IL1RAPL2: variants seen among roughly 807,000 people sequenced by gnomAD.
IL1RAPL2 encodes X-linked interleukin-1 receptor accessory protein-like 2.
A neutral mutation model predicts 44.1 loss-of-function variants in IL1RAPL2; 3 were observed. The observed-to-expected ratio is 0.07, with a 90% CI of 0.03 to 0.18. IL1RAPL2 has a LOEUF of 0.18. IL1RAPL2 is among the 10% of genes least tolerant of loss of function. IL1RAPL2 has a pLI of 1.00. For synonymous variants in IL1RAPL2, 181 were observed against 178.8 expected, an observed-to-expected ratio of 1.01 and a Z score of -0.10; for missense variants, 391 against 496.4, an observed-to-expected ratio of 0.79 and a Z score of 2.02.
chrX:104,996,848 A>G (rs752637785), intron 2 of IL1RAPL2, among the ~76,000 whole-genome samples: 1 of 111,533 alleles, frequency 9.0e-6, no homozygotes, highest in Non-Finnish European at 1.9e-5. Flanking sequence ...TTAATTAGGT[A>G]GGAGGTGACA....
At chrX:105,044,584 A>G (rs1490330538) in intron 2 of IL1RAPL2, among the ~76,000 whole-genome samples, 1 of 111,649 alleles carries the variant, frequency 9.0e-6, no homozygotes, top group Non-Finnish European at 1.9e-5. Flanking sequence ...CATTTCCACC[A>G]TAGAACCCCA....
chrX:104,892,867 T>C (rs1923506367), intron 2 of IL1RAPL2, among the ~76,000 whole-genome samples: 1 of 112,026 alleles, frequency 8.9e-6, no homozygotes, highest in Non-Finnish European at 1.9e-5. Flanking sequence ...CTTCTCTAGT[T>C]CTCTTAATTG....
intron 1 of IL1RAPL2, among the ~76,000 whole-genome samples, chrX:104,655,493 G>A (rs972188766): frequency 1.2e-4 from 13 of 111,818 alleles, no homozygotes; most frequent in African/African-American, 3.9e-4. Context: ...TGCATATTTT[G>A]AACCAGCCTT....
intron 2 of IL1RAPL2, among the ~76,000 whole-genome samples, chrX:104,680,647 A>G (rs185099038): frequency 8.9e-6 from 1 of 111,773 alleles, no homozygotes; most frequent in African/African-American, 3.2e-5. Flanking sequence ...TAAAATTTCT[A>G]TAAAATGAAT....
At chrX:104,738,339 C>G (rs1932050210) in intron 2 of IL1RAPL2, among the ~76,000 whole-genome samples, 1 of 112,032 alleles carries the variant, frequency 8.9e-6, no homozygotes, top group Admixed American at 9.4e-5. Flanking sequence ...TGATAAAGTG[C>G]AGTAATATGC....
intron 2 of IL1RAPL2, among the ~76,000 whole-genome samples, chrX:104,991,683 C>T (rs897685227): frequency 9.0e-6 from 1 of 111,697 alleles, no homozygotes; most frequent in African/African-American, 3.2e-5. Context: ...TTATTGAGTA[C>T]CTACTTTGAG....
chrX:104,636,735 G>A lies in IL1RAPL2; in HGVS notation c.-19-22160G>A, dbSNP rs145433086. Among the ~76,000 whole-genome samples, 556 of 112,202 alleles carry A rather than the reference G, an allele frequency of 5.0e-3. 1 individual carries two copies. Among genetic ancestry groups the A allele is most frequent in the Non-Finnish European group, 8.6e-3 (459 of 53,204 alleles). The stretch of plus-strand genomic sequence containing the variant: ...GTAGTGACCCGATTTTCCAGGTACC[G>A]TCTGTCACCCCTTTCTTTGACTAGG... On this transcript the variant is annotated intron_variant, in intron 1 of 10. Transcript: ENST00000372582.
Position 105,632,290 on chromosome X carries a change from G to A in IL1RAPL2, c.773-85077G>A, listed in dbSNP as rs1223879492. ...GTCAATAAACTCTTTTTAGTTAAAT[G>A]TAATGGGTGAATCACTCTTCTAGGC... On this transcript the variant is annotated intron_variant, in intron 6 of 10. Transcript: ENST00000372582. 2.7e-5 allele frequency among the ~76,000 whole-genome samples: 3 copies of A among 111,667 alleles called. No individual in the cohort carries two copies. In the Admixed American group the frequency reaches 2.9e-4, roughly 11 times the overall value.
At chrX:105,524,092 G>A (rs768376407) in intron 6 of IL1RAPL2, among the ~76,000 whole-genome samples, 6 of 111,830 alleles carry the variant, frequency 5.4e-5, no homozygotes, top group Admixed American at 9.5e-5. Context: ...CCTCTAGGTA[G>A]AAGTTCTCGG....
In IL1RAPL2 at chrX:104,675,625, C is replaced by A. The variant is rs1930732701; in HGVS notation, c.82+16630C>A. 3.6e-5 allele frequency among the ~76,000 whole-genome samples: 4 copies of A among 110,880 alleles called. No homozygotes were observed. In the South Asian group the frequency reaches 1.5e-3, roughly 43 times the overall value. ...AGATGTCTATTAGGTCCACTTGGTG[C>A]AGAGCTGAGTTCAATTCCTGGGTAT... is the stretch of plus-strand genomic sequence containing the variant. On this transcript the variant is annotated intron_variant, in intron 2 of 10. Transcript: ENST00000372582.
chrX:104,572,026 G>T, intron 1 of IL1RAPL2, among the ~76,000 whole-genome samples: 1 of 111,978 alleles, frequency 8.9e-6, no homozygotes, highest in Middle Eastern at 4.7e-3. Flanking sequence ...CATCACTCTA[G>T]GAATCATCTA....
At chrX:105,136,419 AC>A (rs2033077078) in intron 2 of IL1RAPL2, among the ~76,000 whole-genome samples, 1 of 112,218 alleles carries the variant, frequency 8.9e-6, no homozygotes, top group Non-Finnish European at 1.9e-5. Context: ...CCACAAAGGC[AC>A]GTGTAAATGT....
intron 2 of IL1RAPL2, among the ~76,000 whole-genome samples, chrX:105,061,957 G>A (rs1301509152): frequency 1.8e-5 from 2 of 111,686 alleles, no homozygotes; most frequent in Non-Finnish European, 3.8e-5. Flanking sequence ...CAATAATTGT[G>A]TCTTGTTTTT....
At chrX:105,755,081 A>T in intron 9 of IL1RAPL2, 96 bp from the exon 10 acceptor site, 1 of 529,767 alleles carries the variant, frequency 1.9e-6, no homozygotes, top group Non-Finnish European at 3.0e-6. Context: ...TCCAATTATT[A>T]AAGACGGTCA....
chrX:104,712,970 G>A (rs999568039), intron 2 of IL1RAPL2, among the ~76,000 whole-genome samples: 1 of 110,884 alleles, frequency 9.0e-6, no homozygotes, highest in Non-Finnish European at 1.9e-5. Context: ...CAGGTCCATA[G>A]GCAAAAGCTT....
intron 6 of IL1RAPL2, among the ~76,000 whole-genome samples, chrX:105,578,693 C>T (rs2037068145): frequency 9.0e-6 from 1 of 111,377 alleles, no homozygotes; most frequent in Non-Finnish European, 1.9e-5. Flanking sequence ...ACTTATCACA[C>T]AAGCTCATAC....
chrX:105,329,331 A>C (rs1304364497), intron 5 of IL1RAPL2, among the ~76,000 whole-genome samples: 1 of 111,651 alleles, frequency 9.0e-6, no homozygotes. Context: ...ACATTTTACT[A>C]TGGAGGAAAC....
chrX:105,619,211 A>G lies in IL1RAPL2; in HGVS notation c.773-98156A>G, dbSNP rs181349112. Among the ~76,000 whole-genome samples the G allele has an allele frequency of 2.7e-3, 297 of 109,419 alleles. 2 individuals carry two copies. Among genetic ancestry groups the G allele is most frequent in the African/African-American group, 9.2e-3 (276 of 30,100 alleles). ...AGCAGTTCTCTGAAACAGGGAAAAA[A>G]GGGTATGGAAAAGGCCTGGTTAAGA... On this transcript the variant is annotated intron_variant, in intron 6 of 10. Transcript: ENST00000372582.
At chrX:104,574,492 C>T (rs921455616) in intron 1 of IL1RAPL2, among the ~76,000 whole-genome samples, 3 of 112,012 alleles carry the variant, frequency 2.7e-5, no homozygotes, top group Non-Finnish European at 5.7e-5. Context: ...CCAAAGATTG[C>T]ATTGGCAATC....
Sources: gnomAD v4.1 joint callset for allele counts (sites outside exome capture counted in the v4.1 genomes callset) on GRCh38, gnomAD v4.1.1 for gene constraint, MANE v1.5 for transcripts, NCBI Gene and HGNC (gene_info 2026-07-23, HGNC 2026-07-21) for gene names.